RBMS3: variants seen among roughly 807,000 people sequenced by gnomAD.
The protein encoded by RBMS3 is RNA binding motif single stranded interacting protein 3, also known as RNA-binding motif, single-stranded-interacting protein 3.
In RBMS3, 27 loss-of-function variants were observed where a neutral mutation model predicts 66.8. The ratio of observed to expected loss-of-function variants is 0.40; its 90% CI spans 0.30 to 0.56. The LOEUF (loss-of-function observed/expected upper bound fraction) is 0.56. Ranked by LOEUF, RBMS3 falls within the 20% of genes least tolerant of loss-of-function variation. The probability of loss-of-function intolerance (pLI) is 0.40; values close to 1 mark genes in which losing one functional copy is unlikely to be tolerated. For synonymous variants in RBMS3, 188 were observed against 183.0 expected (o/e 1.03, Z -0.22); for missense variants, 513 against 549.5 (o/e 0.93, Z 0.66).
At chr3:29,538,140 C>T (rs932670230) in intron 3 of RBMS3, among the ~76,000 whole-genome samples, 1 of 152,084 alleles carries the variant, frequency 6.6e-6, no homozygotes, top group Non-Finnish European at 1.5e-5. Flanking sequence ...GCACTATAGA[C>T]TTACATTGGA....
intron 6 of RBMS3, among the ~76,000 whole-genome samples, chr3:29,769,703 G>C (rs756824483): frequency 4.6e-5 from 7 of 151,684 alleles, no homozygotes; most frequent in Admixed American, 2.6e-4. Context: ...GCTTAGCTCT[G>C]TACATTCTCA....
chr3:29,773,845 G>A (rs2056319517), intron 6 of RBMS3, among the ~76,000 whole-genome samples: 1 of 152,048 alleles, frequency 6.6e-6, no homozygotes, highest in South Asian at 2.1e-4. Flanking sequence ...TGTGTATGAT[G>A]TATACTATCT....
intron 4 of RBMS3, among the ~76,000 whole-genome samples, chr3:29,713,740 A>G (rs949085881): frequency 2.0e-5 from 3 of 152,026 alleles, no homozygotes; most frequent in Admixed American, 2.0e-4. Flanking sequence ...GAACCATTCT[A>G]TGGTGAAAAA....
At chr3:29,630,010 C>T (rs1407052540) in intron 4 of RBMS3, among the ~76,000 whole-genome samples, 3 of 152,030 alleles carry the variant, frequency 2.0e-5, no homozygotes, top group Non-Finnish European at 4.4e-5. Context: ...ATGTCAGAAA[C>T]TAAAAACCAA....
intron 10 of RBMS3, among the ~76,000 whole-genome samples, chr3:29,931,998 G>A (rs938334759): frequency 5.9e-5 from 9 of 152,016 alleles, no homozygotes; most frequent in African/African-American, 2.2e-4. Flanking sequence ...CAGAAAAAAA[G>A]GGATGCTGTT....
At chr3:29,484,352 T>C (rs2043245250) in intron 2 of RBMS3, among the ~76,000 whole-genome samples, 1 of 152,200 alleles carries the variant, frequency 6.6e-6, no homozygotes, top group African/African-American at 2.4e-5. Context: ...ATTGGCACCA[T>C]TGCTGCTTCT....
chr3:29,340,994 A>T (rs953033118), intron 1 of RBMS3, among the ~76,000 whole-genome samples: 4 of 152,090 alleles, frequency 2.6e-5, no homozygotes, highest in African/African-American at 7.2e-5. Context: ...AGTTTTCAAC[A>T]TGTGAAATAT....
intron 6 of RBMS3, among the ~76,000 whole-genome samples, chr3:29,860,554 C>T (rs978581145): frequency 1.3e-5 from 2 of 152,176 alleles, no homozygotes; most frequent in African/African-American, 2.4e-5. Context: ...CCATTCCATG[C>T]TCTACGAATG....
chr3:29,775,256 T>A (rs2056384350), intron 6 of RBMS3, among the ~76,000 whole-genome samples: 1 of 102,090 alleles, frequency 9.8e-6, no homozygotes, highest in Non-Finnish European at 2.0e-5. Context: ...ATTTTTTTAT[T>A]TTTTATTTAT....
chr3:29,416,397 A>G (rs1479252078), intron 1 of RBMS3, among the ~76,000 whole-genome samples: 1 of 152,162 alleles, frequency 6.6e-6, no homozygotes, highest in Admixed American at 6.6e-5. Context: ...AAAGTGTATA[A>G]AATTTAGATC....
chr3:29,435,013 C>G (rs966920829), intron 2 of RBMS3, 98 bp downstream of exon 2: 1 of 1,221,552 alleles, frequency 8.2e-7, no homozygotes, highest in African/African-American at 1.5e-5. Flanking sequence ...CCACTGGTGT[C>G]TCAGTGAGGA....
At chr3:29,816,746 G>A (rs769683140) in intron 6 of RBMS3, among the ~76,000 whole-genome samples, 14 of 152,168 alleles carry the variant, frequency 9.2e-5, no homozygotes, top group Non-Finnish European at 1.9e-4. Context: ...AGTCAAAACA[G>A]TTGGCACAGA....
chr3:29,363,937 A>G (rs2037755340), intron 1 of RBMS3, among the ~76,000 whole-genome samples: 1 of 152,208 alleles, frequency 6.6e-6, no homozygotes, highest in South Asian at 2.1e-4. Context: ...GATGAGCAGA[A>G]ACAGTTACTT....
chr3:29,340,201 TG>T (rs2036203788), intron 1 of RBMS3, among the ~76,000 whole-genome samples: 1 of 152,144 alleles, frequency 6.6e-6, no homozygotes. Context: ...ATGAGGCTTC[TG>T]GTTAAAACAA....
chr3:29,792,835 C>G (rs944365593), intron 6 of RBMS3, among the ~76,000 whole-genome samples: 1 of 152,042 alleles, frequency 6.6e-6, no homozygotes, highest in Non-Finnish European at 1.5e-5. Flanking sequence ...ATAAATGGAA[C>G]CAAAGCAAAG....
Position 29,468,527 on chromosome 3 carries a change from A to G in RBMS3, c.249-19914A>G, listed in dbSNP as rs374112189. ...GGACTGGGCTTTGGGGCTTTCCAGTACAGAAAGCCTTATAATATGTAATCT... is the reference window on the plus strand; with the variant it reads ...GGACTGGGCTTTGGGGCTTTCCAGTGCAGAAAGCCTTATAATATGTAATCT... On this transcript the variant is annotated intron_variant, in intron 2 of 14. Transcript: ENST00000383767. Among the ~76,000 whole-genome samples, 48 of 152,292 alleles carry G rather than the reference A, an allele frequency of 3.2e-4. No homozygotes were observed. The East Asian group carries it at 7.9e-3, about 25-fold the overall frequency.
At chr3:29,405,312 G>C (rs1257290216) in intron 1 of RBMS3, among the ~76,000 whole-genome samples, 1 of 152,052 alleles carries the variant, frequency 6.6e-6, no homozygotes, top group African/African-American at 2.4e-5. Flanking sequence ...TAACTTCCAG[G>C]CTTTGTCTAT....
chr3:29,329,910 A>C (rs1022164156), intron 1 of RBMS3, among the ~76,000 whole-genome samples: 1 of 147,950 alleles, frequency 6.8e-6, no homozygotes, highest in Admixed American at 6.8e-5. Context: ...ATATATTAAT[A>C]TAACTATAGA....
chr3:29,807,547 T>C (rs1437107963), intron 6 of RBMS3, among the ~76,000 whole-genome samples: 1 of 151,914 alleles, frequency 6.6e-6, no homozygotes, highest in African/African-American at 2.4e-5. Context: ...GTATTGTTAG[T>C]AATATAAAAA....
Sources: allele counts gnomAD v4.1 joint callset (sites outside exome capture counted in the v4.1 genomes callset), GRCh38; gene constraint gnomAD v4.1.1; transcripts MANE v1.5; gene names NCBI Gene and HGNC (gene_info 2026-07-23, HGNC 2026-07-21).